Variants in PTPRN2 observed in about 807,000 individuals in gnomAD.
The protein encoded by PTPRN2 is protein tyrosine phosphatase receptor type N2.
Under a neutral mutation model 118.8 loss-of-function variants are expected in PTPRN2, and 74 were observed. The observed-to-expected ratio is 0.62, with a 90% CI of 0.52 to 0.76. PTPRN2 has a LOEUF of 0.76. Among genes scored for constraint, PTPRN2 ranks in the 30% least tolerant of loss-of-function variants. The probability of loss-of-function intolerance (pLI) is 0.00; values close to 1 mark genes in which losing one functional copy is unlikely to be tolerated. For missense variants in PTPRN2, 1,481 were observed against 1,394.4 expected (o/e 1.06, Z -0.99); for synonymous variants, 641 against 608.0 (o/e 1.05, Z -0.80).
chr7:158,442,252 G>T (rs1395411777), intron 2 of PTPRN2, among the ~76,000 whole-genome samples: 1 of 152,034 alleles, frequency 6.6e-6, no homozygotes, highest in African/African-American at 2.4e-5. Flanking sequence ...ACCTGACATG[G>T]TTAAAAATCT....
In PTPRN2 at chr7:157,787,907, G is replaced by A. The variant is rs943964779; in HGVS notation, c.1789-104970C>T. Among the ~76,000 whole-genome samples the A allele has an allele frequency of 9.2e-5, 14 of 152,098 alleles. No individual in the cohort carries two copies. Among genetic ancestry groups the A allele is most frequent in the African/African-American group, 2.7e-4 (11 of 41,408 alleles). Reference sequence around the variant, plus strand: ...GATAAAAGCTGCTGGCAACATCGACGTCCCCAAGACACTGACAGGCCTGGA... The same window carrying A: ...GATAAAAGCTGCTGGCAACATCGACATCCCCAAGACACTGACAGGCCTGGA... On this transcript the variant is annotated intron_variant, in intron 12 of 22. Transcript: ENST00000389418. This position sits in a 1 kb window ranked among gnomAD's most constrained non-coding sequence, Gnocchi z 5.3.
At chr7:157,577,291 G>A (rs221303) in intron 18 of PTPRN2, among the ~76,000 whole-genome samples, 78,898 of 151,962 alleles carry the variant, frequency 0.52, 20,950 homozygotes, top group East Asian at 0.8. Context: ...GGGCCTAAGC[G>A]TTTCTGCAGG....
chr7:158,523,595 G>T (rs1229337495), intron 1 of PTPRN2, among the ~76,000 whole-genome samples: 1 of 84,244 alleles, frequency 1.2e-5, no homozygotes, highest in Admixed American at 1.3e-4. Context: ...GGAGTCATCT[G>T]CCCTGGAGCA....
chr7:158,418,669 T>C (rs997624751), intron 2 of PTPRN2, among the ~76,000 whole-genome samples: 5 of 151,374 alleles, frequency 3.3e-5, no homozygotes, highest in Admixed American at 6.6e-5. Context: ...AGTGTCCCCC[T>C]GTGTTAAGTC....
chr7:157,947,027 T>C (rs1464149190), intron 11 of PTPRN2, among the ~76,000 whole-genome samples: 1 of 152,200 alleles, frequency 6.6e-6, no homozygotes, highest in Non-Finnish European at 1.5e-5. Context: ...TGTGGGCTAG[T>C]GTGCTGCTTA....
In PTPRN2 at chr7:157,731,932, C is replaced by T. The variant is rs752495551; in HGVS notation, c.1789-48995G>A. Among the ~76,000 whole-genome samples, 75 of 12,908 alleles carry T rather than the reference C, an allele frequency of 5.8e-3. 1 individual carries two copies. Among genetic ancestry groups the T allele is most frequent in the African/African-American group, 0.047 (68 of 1,438 alleles). 8.5% of individuals were successfully genotyped at this position (12,908 alleles called of 152,430 possible). A position where few individuals can be genotyped will look rare whatever the true frequency, so the allele number is the denominator to read the frequency against. On this transcript the variant is annotated intron_variant, in intron 12 of 22. Coordinates refer to ENST00000389418, the MANE Select transcript of PTPRN2 (RefSeq NM_002847.5). ...CGTCCCATGCGCCCAGCACAGTTAC[C>T]CTTTCCCGTCCCATGCGCCCAGCAC... is the stretch of plus-strand genomic sequence containing the variant.
intron 2 of PTPRN2, among the ~76,000 whole-genome samples, chr7:158,466,077 C>T (rs547444316): frequency 6.6e-6 from 1 of 152,294 alleles, no homozygotes; most frequent in Non-Finnish European, 1.5e-5. Flanking sequence ...TTTGGATGTA[C>T]ATTTGAGGCG....
intron 12 of PTPRN2, among the ~76,000 whole-genome samples, chr7:157,719,308 G>A (rs1799106895): frequency 6.6e-6 from 1 of 152,214 alleles, no homozygotes; most frequent in Admixed American, 6.5e-5. Flanking sequence ...ACCCATTAAA[G>A]GGGGAGCGGA....
chr7:158,510,991 C>T (rs1469019180), intron 1 of PTPRN2, among the ~76,000 whole-genome samples: 1 of 152,200 alleles, frequency 6.6e-6, no homozygotes, highest in Non-Finnish European at 1.5e-5. Flanking sequence ...ATGGGGTTGG[C>T]AAAGAACCTT....
At chr7:158,448,197 G>A (rs558242597) in intron 2 of PTPRN2, among the ~76,000 whole-genome samples, 116 of 152,386 alleles carry the variant, frequency 7.6e-4, no homozygotes, top group African/African-American at 2.6e-3. Context: ...CCCAGACACA[G>A]GAGCAGGCTG....
At chr7:158,197,999 T>C (rs61519514) in intron 4 of PTPRN2, among the ~76,000 whole-genome samples, 3,648 of 152,294 alleles carry the variant, frequency 0.024, 150 homozygotes, top group East Asian at 0.18. Context: ...TGCAGTTCTT[T>C]GCATCTCAAA....
At chr7:158,010,896 C>T (rs906770489) in intron 11 of PTPRN2, among the ~76,000 whole-genome samples, 2 of 152,246 alleles carry the variant, frequency 1.3e-5, no homozygotes, top group African/African-American at 2.4e-5. Context: ...CTGCTCCCCC[C>T]ACTCCAGATG....
At chr7:158,270,765 A>ACCCCGTCCACCTGGACCG (rs1798279878) in intron 3 of PTPRN2, among the ~76,000 whole-genome samples, 1 of 117,292 alleles carries the variant, frequency 8.5e-6, no homozygotes, top group Non-Finnish European at 1.7e-5. Flanking sequence ...CACCTGGACC[A>ACCCCGTCCACCTGGACCG]CCCCGTCCAC....
chr7:158,249,130 A>G (rs1430839236), intron 3 of PTPRN2, among the ~76,000 whole-genome samples: 1 of 150,086 alleles, frequency 6.7e-6, no homozygotes, highest in African/African-American at 2.5e-5. Flanking sequence ...TGCCACACAC[A>G]CCACACGTGA....
chr7:157,887,684 CGCTCCCCCAGT>C (rs1796556547), intron 12 of PTPRN2, among the ~76,000 whole-genome samples: 2 of 27,200 alleles, frequency 7.4e-5, no homozygotes, highest in East Asian at 9.3e-4. Context: ...CCCCAGTACC[CGCTCCCCCAGT>C]AACTGCTCCA....
At chr7:157,739,756 T>C (rs755778196) in intron 12 of PTPRN2, among the ~76,000 whole-genome samples, 1 of 152,242 alleles carries the variant, frequency 6.6e-6, no homozygotes, top group Non-Finnish European at 1.5e-5. Flanking sequence ...GGGGTCACCA[T>C]ACTGTGTTTT....
At chr7:157,606,972 AGAG>A (rs889408733) in intron 15 of PTPRN2, among the ~76,000 whole-genome samples, 1 of 152,174 alleles carries the variant, frequency 6.6e-6, no homozygotes, top group East Asian at 1.9e-4. Context: ...ACATCTAGAG[AGAG>A]GAGAAGAATG....
chr7:157,759,952 G>A (rs1802031812), intron 12 of PTPRN2, among the ~76,000 whole-genome samples: 1 of 152,192 alleles, frequency 6.6e-6, no homozygotes. Flanking sequence ...GAGAACCATA[G>A]TGTAGGAAGA....
At chr7:157,797,792 T>C (rs1804965244) in intron 12 of PTPRN2, among the ~76,000 whole-genome samples, 2 of 152,206 alleles carry the variant, frequency 1.3e-5, no homozygotes, top group South Asian at 4.1e-4. Context: ...TCCTCCTTCC[T>C]TTCTTTGGAG....
Sources: gnomAD v4.1 joint callset for allele counts (sites outside exome capture counted in the v4.1 genomes callset) on GRCh38, gnomAD v4.1.1 for gene constraint, Gnocchi (gnomAD v3.1) non-coding constraint, MANE v1.5 for transcripts, NCBI Gene and HGNC (gene_info 2026-07-23, HGNC 2026-07-21) for gene names.